The following DHX30 variants were observed in gnomAD, a reference collection of about 807,000 sequenced individuals.
DHX30 encodes the protein ATP-dependent RNA helicase DHX30.
DHX30 carries 4 observed loss-of-function variants against 116.9 expected under a neutral mutation model. The ratio of observed to expected loss-of-function variants is 0.03; its 90% confidence interval spans 0.02 to 0.08. The LOEUF (loss-of-function observed/expected upper bound fraction) is 0.08, where lower values mean the gene tolerates loss of function less well. DHX30 is among the 10% of genes least tolerant of loss of function. The probability of loss-of-function intolerance (pLI) is 1.00; values close to 1 mark genes in which losing one functional copy is unlikely to be tolerated. For missense variants in DHX30, 871 were observed against 1,595.1 expected (o/e 0.55, Z 7.73); for synonymous variants, 697 against 651.7 (o/e 1.07, Z -1.06).
At chr3:47,821,328 C>T (rs748427761) in intron 4 of DHX30, among the ~76,000 whole-genome samples, 6 of 151,276 alleles carry the variant, frequency 4.0e-5, no homozygotes, top group Admixed American at 2.0e-4. Flanking sequence ...TGCAATGGTG[C>T]GATCTTGGCT....
rs1206719881 is a variant in DHX30, at chr3:47,847,515, A to C, written c.2089A>C (p.Ser697Arg). Residue 697 changes from serine to arginine, a missense_variant, in exon 13 of 22, where the codon AGC (serine) becomes CGC (arginine). Coordinates refer to ENST00000445061, the MANE Select transcript of DHX30 (RefSeq NM_138615.3). This position sits in a 1 kb window ranked among gnomAD's most constrained non-coding sequence, Gnocchi z 5.5. ...CCAGGAGGCCCTGGGCATGCACGAG[A>C]GCAAGTACCTCATCCTGCCAGGTGA... is the stretch of plus-strand genomic sequence containing the variant. ...RLQEALGMHE[S>R]KYLILPVHSN... 2 of 1,610,968 alleles carry C rather than the reference A, an allele frequency of 1.2e-6. No homozygotes were observed. The highest frequency in any genetic ancestry group is 1.7e-6 in the Non-Finnish European group (2 of 1,178,538).
chr3:47,834,270 A>G, intron 6 of DHX30, among the ~76,000 whole-genome samples: 1 of 151,686 alleles, frequency 6.6e-6, no homozygotes, highest in East Asian at 2.0e-4. Context: ...CACCCAGCTA[A>G]TTTTTGTATT....
At chr3:47,827,519 G>A in intron 5 of DHX30, 42 bp downstream of exon 5, 1 of 1,589,554 alleles carries the variant, frequency 6.3e-7, no homozygotes, top group Non-Finnish European at 8.6e-7. Flanking sequence ...GTATGACTCA[G>A]AAAGGAGGCT....
chr3:47,814,729 C>T (rs2035971566), intron 3 of DHX30, among the ~76,000 whole-genome samples: 1 of 152,134 alleles, frequency 6.6e-6, no homozygotes, highest in East Asian at 1.9e-4. Context: ...ACCATGTTAG[C>T]CAGGATGGCC....
At position 47,843,175 on chromosome 3, in the gene DHX30, C is replaced by A. The variant is rs1394490447; in HGVS notation, c.859C>A (p.Pro287Thr). 1 of 1,614,268 alleles carries A rather than the reference C, an allele frequency of 6.2e-7. No homozygotes were observed. The highest frequency in any genetic ancestry group is 8.5e-7 in the Non-Finnish European group (1 of 1,180,046). ...TACACTCACCCTGCTCTGGCCCTGC[C>A]CCATGACCTTTGTTGCCAAAGGGCG... is the stretch of plus-strand genomic sequence containing the variant. ...LSTLTLLWPC[P>T]MTFVAKGRRK... is the part of the protein sequence containing the mutation. The change falls in exon 9 of 22, where the codon CCC (proline) becomes ACC (threonine). Residue 287 changes from proline (P) to threonine (T), a missense_variant. Pro to Thr is a conservative substitution (Grantham distance 38). This residue lies in a region of DHX30 where 175 missense variants were observed against 292.9 expected (regional missense o/e 0.60). Transcript: ENST00000445061.
chr3:47,809,066 T>G (rs2035665720), intron 2 of DHX30, among the ~76,000 whole-genome samples: 1 of 151,230 alleles, frequency 6.6e-6, no homozygotes, highest in African/African-American at 2.4e-5. Context: ...TTTTTTGTAT[T>G]TTTTTAGTAG....
At chr3:47,830,419 G>A (rs1054184908) in intron 6 of DHX30, among the ~76,000 whole-genome samples, 20 of 151,580 alleles carry the variant, frequency 1.3e-4, no homozygotes, top group Non-Finnish European at 1.5e-5. Flanking sequence ...TTGCGCTCCA[G>A]CCTGGGCCTC....
chr3:47,816,866 C>T, intron 3 of DHX30: 1 of 984,808 alleles, frequency 1.0e-6, no homozygotes, highest in Non-Finnish European at 1.2e-6. Context: ...ATAGTGAACA[C>T]CTTTGTATCT....
intron 3 of DHX30, among the ~76,000 whole-genome samples, chr3:47,811,400 A>G (rs966622252): frequency 3.3e-5 from 5 of 151,864 alleles, no homozygotes; most frequent in Admixed American, 2.6e-4. Context: ...TGAATTAATC[A>G]TTTTGTCACT....
chr3:47,807,735 CAA>C (rs2035596148), intron 2 of DHX30, among the ~76,000 whole-genome samples: 1 of 133,168 alleles, frequency 7.5e-6, no homozygotes, highest in South Asian at 2.5e-4. Context: ...AAAGCAAAAT[CAA>C]GAGTCTATTT....
chr3:47,840,245 T>C (rs2037310516), intron 6 of DHX30, among the ~76,000 whole-genome samples: 2 of 148,768 alleles, frequency 1.3e-5, no homozygotes, highest in East Asian at 2.1e-4. Context: ...GATCCGCCCG[T>C]CTCGGCCTCC....
chr3:47,829,830 A>T (rs530752804), intron 6 of DHX30, among the ~76,000 whole-genome samples: 6 of 151,746 alleles, frequency 4.0e-5, no homozygotes, highest in Non-Finnish European at 5.9e-5. Flanking sequence ...TACTTTTTTT[A>T]AATTTTTTAA....
In DHX30 at chr3:47,849,085, T is replaced by C; in HGVS notation, c.2929+6T>C. The stretch of plus-strand genomic sequence containing the variant: ...CAGCCTGCGCTTCATCCACGGTCAG[T>C]CGGGCCCACACCTGCTCTCCTGAGC... On this transcript the variant is annotated splice_donor_region_variant and intron_variant, in intron 18 of 21. Transcript: ENST00000445061. The C allele has an allele frequency of 6.2e-7, 1 of 1,609,778 alleles. No individual in the cohort carries two copies. The highest frequency in any genetic ancestry group is 8.5e-7 in the Non-Finnish European group (1 of 1,177,164).
rs1277318265 is a variant in DHX30 at position 47,841,039 on chromosome 3, G to T, written c.529G>T (p.Gly177Ter). The T allele has an allele frequency of 6.2e-7, 1 of 1,614,196 alleles. No individual in the cohort carries two copies. The change falls in exon 7 of 22, where the codon GGA becomes TGA. Residue 177 changes from glycine (G) to a stop codon, truncating the protein, a stop_gained. Coordinates refer to ENST00000445061, the MANE Select transcript of DHX30 (RefSeq NM_138615.3). LOFTEE classifies it high-confidence loss of function. ...GAATCCAGAGAGTATTCGACCAGGG[G>T]GACCTGGGGGCCTATCCCGCTCTTT... ...QLNPESIRPG[G>*]PGGLSRSLGR...
In DHX30 at chr3:47,848,964, C is replaced by T. The variant is rs141019262; in HGVS notation, c.2814C>T (p.Ala938=). The T allele has an allele frequency of 1.2e-3, 1,950 of 1,613,288 alleles. 10 individuals carry two copies. Among genetic ancestry groups the T allele is most frequent in the Non-Finnish European group, 7.0e-4 (826 of 1,179,638 alleles). The change falls in exon 18 of 22, where the codon GCC becomes GCT. Residue 938 remains alanine (A), a synonymous_variant. Coordinates refer to ENST00000445061, the MANE Select transcript of DHX30 (RefSeq NM_138615.3). This position sits in a 1 kb window ranked among gnomAD's most constrained non-coding sequence, Gnocchi z 9.4. ...ATGACAGCGGCAGTGACCACCTGGCCTTTGTGCGGGCTGTCGCCGGCTGGG... is the reference window on the plus strand; with the variant it reads ...ATGACAGCGGCAGTGACCACCTGGCTTTTGTGCGGGCTGTCGCCGGCTGGG... ...LSHDSGSDHL[A]FVRAVAGWEE...
chr3:47,831,930 C>CTTTTTTTTTTTT (rs147733795), intron 6 of DHX30, among the ~76,000 whole-genome samples: 1 of 127,464 alleles, frequency 7.8e-6, no homozygotes, highest in Non-Finnish European at 1.6e-5. Flanking sequence ...TTTCCTTTTT[C>CTTTTTTTTTTTT]TTTTTTTTTT....
At chr3:47,805,231 A>G in intron 1 of DHX30, 95 bp from the exon 2 acceptor site, 1 of 397,448 alleles carries the variant, frequency 2.5e-6, no homozygotes, top group Non-Finnish European at 4.4e-6. Flanking sequence ...GCCACTAACA[A>G]AATTTGTCCT....
chr3:47,843,264 A>C lies in DHX30; in HGVS notation c.939+9A>C, dbSNP rs564767658. 1 of 1,614,228 alleles carries C rather than the reference A, an allele frequency of 6.2e-7. No individual in the cohort carries two copies. The highest frequency in any genetic ancestry group is 1.1e-5 in the South Asian group (1 of 91,084). On this transcript the variant is annotated intron_variant, in intron 9 of 21. Coordinates refer to ENST00000445061, the MANE Select transcript of DHX30 (RefSeq NM_138615.3). ...CCTGCAAGAAACTGAAGGTGAGTCC[A>C]GGAAGGTCCTGGGTGTGGTGCATGA...
Position 47,850,063 on chromosome 3 carries a change from A to G in DHX30, c.3528A>G (p.Ala1176=). The change falls in exon 22 of 22, where the codon GCA becomes GCG. Residue 1176 remains alanine (A), a synonymous_variant. Coordinates refer to ENST00000445061, the MANE Select transcript of DHX30 (RefSeq NM_138615.3). The part of the protein sequence containing the change: ...EEHGQLLALL[A]ELLRGPCGSF... ...ACGGGCAGCTGCTTGCGCTACTGGC[A>G]GAGCTGCTGCGAGGACCCTGTGGCA... 1 of 1,599,158 alleles carries G rather than the reference A, an allele frequency of 6.3e-7. No individual in the cohort carries two copies.
Sources: gnomAD v4.1 joint callset for allele counts (sites outside exome capture counted in the v4.1 genomes callset) on GRCh38, gnomAD v4.1.1 for gene constraint, gnomAD v4.1.1 regional missense constraint, Gnocchi (gnomAD v3.1) non-coding constraint, MANE v1.5 for transcripts, NCBI Gene and HGNC (gene_info 2026-07-23, HGNC 2026-07-21) for gene names.